ADGRE1: variants seen among roughly 807,000 people sequenced by gnomAD.
ADGRE1 encodes EGF-like module receptor 1.
Under a neutral mutation model 102.7 loss-of-function variants are expected in ADGRE1, and 82 were observed. That is an observed-to-expected ratio of 0.80 (90% CI 0.67 to 0.96). The LOEUF (loss-of-function observed/expected upper bound fraction) is 0.96, where lower values mean the gene tolerates loss of function less well. ADGRE1 is among the 40% of genes least tolerant of loss of function. The pLI is 0.00. For missense variants in ADGRE1, 1,032 were observed against 1,085.3 expected (o/e 0.95, Z 0.69); for synonymous variants, 398 against 399.6 (o/e 1.00, Z 0.05).
chr19:6,919,780 C>G (rs766833009), intron 13 of ADGRE1, 33 bp downstream of exon 13: 1 of 1,601,474 alleles, frequency 6.2e-7, no homozygotes, highest in South Asian at 1.1e-5. Context: ...AGATTCTTGT[C>G]TACCTGTTGG....
intron 17 of ADGRE1, among the ~76,000 whole-genome samples, chr19:6,933,712 T>C (rs1975262559): frequency 6.6e-6 from 1 of 152,122 alleles, no homozygotes; most frequent in Non-Finnish European, 1.5e-5. Context: ...TTGTTACAAC[T>C]AGAGAGGTGG....
At chr19:6,908,664 CT>C (rs34044572) in intron 9 of ADGRE1, 24 bp from the exon 10 acceptor site, 10,509 of 1,329,680 alleles carry the variant, frequency 7.9e-3, no homozygotes, top group East Asian at 0.018. Context: ...CACAAATGCT[CT>C]TTTTTTTTTT....
intron 17 of ADGRE1, among the ~76,000 whole-genome samples, chr19:6,934,423 T>C (rs914127337): frequency 4.1e-5 from 6 of 146,812 alleles, no homozygotes; most frequent in Admixed American, 6.8e-5. Context: ...CTTCTTCTTT[T>C]TTTTTTTTTT....
chr19:6,938,687 T>A (rs1393805773), intron 20 of ADGRE1, among the ~76,000 whole-genome samples: 1 of 151,958 alleles, frequency 6.6e-6, no homozygotes, highest in African/African-American at 2.4e-5. Context: ...TGCAATGGGG[T>A]TGGAAGAGTG....
At chr19:6,927,666 A>G (rs755041941) in intron 16 of ADGRE1, among the ~76,000 whole-genome samples, 7 of 151,156 alleles carry the variant, frequency 4.6e-5, no homozygotes, top group Non-Finnish European at 8.9e-5. Flanking sequence ...TTTATTTGTT[A>G]TTTATTTATC....
chr19:6,913,513 A>T (rs1464970838), intron 10 of ADGRE1, 140 bp from the exon 11 acceptor site: 2 of 728,120 alleles, frequency 2.7e-6, no homozygotes, highest in Non-Finnish European at 4.0e-6. Flanking sequence ...TTCTTGAATC[A>T]GAAAAAGGAG....
At chr19:6,939,092 A>G (rs456642) in intron 20 of ADGRE1, among the ~76,000 whole-genome samples, 104,805 of 151,956 alleles carry the variant, frequency 0.69, 36,370 homozygotes, top group Non-Finnish European at 0.73. Context: ...CACCACGCCC[A>G]GCTGGTCTAT....
At chr19:6,921,142 T>A (rs1216616334) in intron 13 of ADGRE1, among the ~76,000 whole-genome samples, 1 of 152,078 alleles carries the variant, frequency 6.6e-6, no homozygotes, top group Non-Finnish European at 1.5e-5. Flanking sequence ...AAAAATTAGC[T>A]GGATATGGTG....
chr19:6,895,699 T>C (rs1973522285), intron 2 of ADGRE1: 1 of 152,202 alleles, frequency 6.6e-6, no homozygotes, highest in Admixed American at 6.5e-5. Flanking sequence ...AGATGAGTGC[T>C]TCTCAAACTT....
intron 5 of ADGRE1, among the ~76,000 whole-genome samples, chr19:6,901,101 G>A (rs779407900): frequency 2.0e-5 from 3 of 152,184 alleles, no homozygotes; most frequent in Admixed American, 1.3e-4. Flanking sequence ...GAGAAGAAGT[G>A]TAGAGTATGC....
chr19:6,937,917 G>A (rs1040696036), intron 20 of ADGRE1, among the ~76,000 whole-genome samples: 4 of 151,436 alleles, frequency 2.6e-5, no homozygotes, highest in Admixed American at 6.6e-5. Context: ...ATTTGTATAT[G>A]AATTATGTAA....
At chr19:6,909,662 ACTTTCTCAT>A (rs1190426748) in intron 10 of ADGRE1, among the ~76,000 whole-genome samples, 1 of 151,918 alleles carries the variant, frequency 6.6e-6, no homozygotes, top group Non-Finnish European at 1.5e-5. Flanking sequence ...CATCTCAAGA[ACTTTCTCAT>A]CTTTCTCATC....
At position 6,915,166 on chromosome 19, in the gene ADGRE1, T is replaced by C. The variant is rs926415385; in HGVS notation, c.1301-1083T>C. Among the ~76,000 whole-genome samples, 4 of 151,956 alleles carry C rather than the reference T, an allele frequency of 2.6e-5. No homozygotes were observed. The South Asian group carries it at 8.4e-4, about 32-fold the overall frequency. Reference sequence around the variant, plus strand: ...GAACTATAGGTGTGCACCACCATGCTTGTCTAGTTTTTAAAATTTTTGGTA... The same window carrying C: ...GAACTATAGGTGTGCACCACCATGCCTGTCTAGTTTTTAAAATTTTTGGTA... On this transcript the variant is annotated intron_variant, in intron 11 of 20. Transcript: ENST00000312053.
At chr19:6,902,118 C>A in intron 6 of ADGRE1, 97 bp downstream of exon 6, 1 of 1,457,334 alleles carries the variant, frequency 6.9e-7, no homozygotes, top group Non-Finnish European at 9.4e-7. Flanking sequence ...TTGAGACTTT[C>A]ATCTGCAAAT....
intron 3 of ADGRE1, 94 bp downstream of exon 3, chr19:6,896,635 A>AT (rs555227342): frequency 7.2e-4 from 994 of 1,373,410 alleles, no homozygotes; most frequent in South Asian, 2.0e-3. Context: ...CCCACCCCCC[A>AT]TTTTTTTTTA....
intron 12 of ADGRE1, 95 bp downstream of exon 12, chr19:6,916,463 T>C: frequency 6.8e-7 from 1 of 1,480,708 alleles, no homozygotes; most frequent in South Asian, 1.4e-5. Flanking sequence ...TGCCAGATAG[T>C]TGAGAACCAA....
intron 11 of ADGRE1, among the ~76,000 whole-genome samples, chr19:6,915,476 G>C (rs762314668): frequency 1.3e-5 from 2 of 152,140 alleles, no homozygotes; most frequent in Non-Finnish European, 2.9e-5. Flanking sequence ...AGAAATTGGA[G>C]GCACAGAGAG....
Position 6,940,061 on chromosome 19 carries a change from G to A in ADGRE1, c.*32G>A. 1 of 1,612,410 alleles carries A rather than the reference G, an allele frequency of 6.2e-7. No homozygotes were observed. The highest frequency in any genetic ancestry group is 8.5e-7 in the Non-Finnish European group (1 of 1,179,102). On this transcript the variant is annotated 3_prime_UTR_variant, in exon 21 of 21. Transcript: ENST00000312053. ...TTCTTGCTTTCAAATATGCTATGGA[G>A]CCACAGTTGAGGACAGTAGTTTCCT... is the stretch of plus-strand genomic sequence containing the variant.
intron 12 of ADGRE1, among the ~76,000 whole-genome samples, chr19:6,917,671 T>C (rs35357426): frequency 0.2 from 28,299 of 141,796 alleles, 2,745 homozygotes; most frequent in Middle Eastern, 0.33. Context: ...ACCTGGGAGG[T>C]GGAGGCTGCA....
Sources: gnomAD v4.1 joint callset for allele counts (sites outside exome capture counted in the v4.1 genomes callset) on GRCh38, gnomAD v4.1.1 for gene constraint, MANE v1.5 for transcripts, NCBI Gene and HGNC (gene_info 2026-07-23, HGNC 2026-07-21) for gene names.